Variants in EHHADH observed in about 807,000 individuals in gnomAD.
The protein encoded by EHHADH is peroxisomal bifunctional enzyme.
EHHADH carries 48 observed loss-of-function variants against 64.4 expected under a neutral mutation model. That is an observed-to-expected ratio of 0.75 (90% CI 0.59 to 0.95). EHHADH has a LOEUF of 0.95. EHHADH is among the 40% of genes least tolerant of loss of function. The pLI is 0.00. For missense variants in EHHADH, 854 were observed against 876.6 expected, an observed-to-expected ratio of 0.97 and a Z score of 0.33; for synonymous variants, 308 against 326.7, an observed-to-expected ratio of 0.94 and a Z score of 0.62.
At chr3:185,235,722 A>G in intron 2 of EHHADH, among the ~76,000 whole-genome samples, 1 of 152,170 alleles carries the variant, frequency 6.6e-6, no homozygotes, top group East Asian at 1.9e-4. Context: ...GTAATTTTCT[A>G]AAATCTATCT....
intron 5 of EHHADH, among the ~76,000 whole-genome samples, chr3:185,208,040 T>C (rs557976779): frequency 1.3e-5 from 2 of 152,332 alleles, no homozygotes; most frequent in South Asian, 4.1e-4. Context: ...GTAGACAGAC[T>C]CTAAGTAATG....
chr3:185,253,032 G>A (rs1719790949), intron 1 of EHHADH, among the ~76,000 whole-genome samples: 5 of 151,772 alleles, frequency 3.3e-5, no homozygotes, highest in Admixed American at 3.3e-4. Flanking sequence ...CACCACACAA[G>A]GCAAATACTC....
At chr3:185,251,899 A>G (rs1316929631) in intron 1 of EHHADH, among the ~76,000 whole-genome samples, 1 of 152,210 alleles carries the variant, frequency 6.6e-6, no homozygotes, top group Non-Finnish European at 1.5e-5. Flanking sequence ...GGTCCTGAGT[A>G]GCAGGGCCTG....
intron 2 of EHHADH, chr3:185,245,852 T>C: frequency 1.0e-6 from 1 of 959,836 alleles, no homozygotes; most frequent in Non-Finnish European, 1.7e-6. Context: ...GAATTTCTTT[T>C]TCTCCCCAGC....
chr3:185,205,295 C>T (rs1383766980), intron 5 of EHHADH, among the ~76,000 whole-genome samples: 2 of 151,934 alleles, frequency 1.3e-5, no homozygotes, highest in African/African-American at 4.8e-5. Flanking sequence ...AGCATAGTAC[C>T]CAGAAGTTGG....
intron 3 of EHHADH, 29 bp from the exon 4 acceptor site, chr3:185,229,572 T>G (rs1719100245): frequency 2.2e-6 from 3 of 1,390,978 alleles, no homozygotes; most frequent in Non-Finnish European, 2.9e-6. Context: ...ATAAAGGCCA[T>G]TAGCATGAGA....
chr3:185,246,300 G>A (rs777640064), intron 2 of EHHADH: 38 of 783,088 alleles, frequency 4.9e-5, no homozygotes, highest in Non-Finnish European at 6.8e-5. Context: ...TTTGTCCTCA[G>A]TTGGCTCTGG....
At position 185,235,299 on chromosome 3, in the gene EHHADH, G is replaced by A; in HGVS notation, c.342C>T (p.Ala114=). 2 of 1,610,966 alleles carry A rather than the reference G, an allele frequency of 1.2e-6. No individual in the cohort carries two copies. The highest frequency in any genetic ancestry group is 1.7e-6 in the Non-Finnish European group (2 of 1,178,720). ...ELALGCHYRI[A]HAEAQVGLPE... Reference sequence around the variant, plus strand: ...GAGCCTTGGTTGTTACCTCTGCGTGGGCAATCCTATAGTGACAGCCCAGGG... The same window carrying A: ...GAGCCTTGGTTGTTACCTCTGCGTGAGCAATCCTATAGTGACAGCCCAGGG... The change falls in exon 3 of 7, where the codon GCC becomes GCT. Residue 114 remains alanine, a synonymous_variant. Transcript: ENST00000231887.
intron 4 of EHHADH, among the ~76,000 whole-genome samples, chr3:185,222,838 T>C (rs1428939253): frequency 1.3e-5 from 2 of 152,266 alleles, no homozygotes; most frequent in Non-Finnish European, 2.9e-5. Context: ...CATCCTAGCA[T>C]GTGAATATTC....
Position 185,193,459 on chromosome 3 carries a change from G to A in EHHADH, c.939C>T (p.Val313=), listed in dbSNP as rs371311511. 6.2e-6 allele frequency: 10 copies of A among 1,614,024 alleles called. No homozygotes were observed. Among genetic ancestry groups the A allele is most frequent in the Non-Finnish European group, 8.5e-6 (10 of 1,180,016 alleles). The part of the protein sequence containing the change: ...VGLGTMGRGI[V]ISFARARIPV... ...GAATCCTGGCCCTTGCAAAAGAAATGACAATGCCTCGGCCCATTGTTCCCA... is the reference window on the plus strand; with the variant it reads ...GAATCCTGGCCCTTGCAAAAGAAATAACAATGCCTCGGCCCATTGTTCCCA... Residue 313 remains valine, a synonymous_variant, in exon 7 of 7, where the codon GTC becomes GTT. Transcript: ENST00000231887.
chr3:185,226,370 C>T lies in EHHADH; in HGVS notation c.463+3062G>A, dbSNP rs968234704. ...CATCTTGAAAGTAGATCCTCCAGGC[C>T]GGGCACAGTGGCTCACGCCTGTAAT... On this transcript the variant is annotated intron_variant, in intron 4 of 6. Transcript: ENST00000231887. 5.3e-5 allele frequency among the ~76,000 whole-genome samples: 8 copies of T among 152,124 alleles called. No homozygotes were observed. In the East Asian group the frequency reaches 1.5e-3, roughly 29 times the overall value.
rs1717965550 is a variant in EHHADH at position 185,193,355 on chromosome 3, G to C, written c.1043C>G (p.Ala348Gly). The change falls in exon 7 of 7, where the codon GCC (alanine) becomes GGC (glycine). Residue 348 changes from alanine to glycine, a missense_variant. Coordinates refer to ENST00000231887, the MANE Select transcript of EHHADH (RefSeq NM_001966.4). ...GTGGCCGCTCTGTTGCATTTTGGAG[G>C]CTTCTTTTTCCAAGACAGAGGTTAT... ...KMITSVLEKE[A>G]SKMQQSGHPW... 1 of 1,613,902 alleles carries C rather than the reference G, an allele frequency of 6.2e-7. No individual in the cohort carries two copies. Among genetic ancestry groups the C allele is most frequent in the African/African-American group, 1.3e-5 (1 of 74,900 alleles).
intron 2 of EHHADH, chr3:185,246,540 C>T (rs147776631): frequency 5.1e-5 from 13 of 255,440 alleles, no homozygotes; most frequent in Admixed American, 1.5e-4. Flanking sequence ...CTCCCACCAC[C>T]GCACTAGGCT....
chr3:185,235,536 G>T, intron 2 of EHHADH, 74 bp from the exon 3 acceptor site: 1 of 1,206,274 alleles, frequency 8.3e-7, no homozygotes, highest in Non-Finnish European at 1.1e-6. Flanking sequence ...TAAGTTACCT[G>T]ATACTCTTTA....
intron 6 of EHHADH, among the ~76,000 whole-genome samples, chr3:185,195,535 C>A (rs551623918): frequency 6.6e-6 from 1 of 152,258 alleles, no homozygotes; most frequent in African/African-American, 2.4e-5. Flanking sequence ...AAATACATGT[C>A]CACATAAAGC....
chr3:185,240,419 A>T (rs1267258300), intron 2 of EHHADH, among the ~76,000 whole-genome samples: 3 of 151,540 alleles, frequency 2.0e-5, no homozygotes, highest in Non-Finnish European at 4.4e-5. Flanking sequence ...TGGTCAAAAA[A>T]TTTTTTATTA....
chr3:185,222,630 G>A (rs955680636), intron 4 of EHHADH, among the ~76,000 whole-genome samples: 1 of 152,084 alleles, frequency 6.6e-6, no homozygotes, highest in Non-Finnish European at 1.5e-5. Flanking sequence ...TCAATCTGTT[G>A]TGATATCACA....
rs1438642995 is a variant in EHHADH at position 185,235,401 on chromosome 3, T to G, written c.240A>C (p.Val80=). 1 of 1,614,002 alleles carries G rather than the reference T, an allele frequency of 6.2e-7. No homozygotes were observed. ...GCTTCTCATTTCTCTGTATTTCATC[T>G]ACTACATGTCCCAGTGTAAGGCCAA... ...RTFGLTLGHV[V]DEIQRNEKPV... Residue 80 remains valine (V), a synonymous_variant, in exon 3 of 7, where the codon GTA becomes GTC. Coordinates refer to ENST00000231887, the MANE Select transcript of EHHADH (RefSeq NM_001966.4).
At chr3:185,205,239 C>T (rs1303684863) in intron 5 of EHHADH, among the ~76,000 whole-genome samples, 2 of 151,942 alleles carry the variant, frequency 1.3e-5, no homozygotes, top group African/African-American at 2.4e-5. Flanking sequence ...GTATATCACA[C>T]GATGCTGAGG....
Sources: allele counts gnomAD v4.1 joint callset (sites outside exome capture counted in the v4.1 genomes callset), GRCh38; gene constraint gnomAD v4.1.1; transcripts MANE v1.5; gene names NCBI Gene and HGNC (gene_info 2026-07-23, HGNC 2026-07-21).